Variants in CSRNP3 observed in about 807,000 individuals in gnomAD.
The protein encoded by CSRNP3 is cysteine and serine rich nuclear protein 3, also known as cysteine/serine-rich nuclear protein 3.
Under a neutral mutation model 48.0 loss-of-function variants are expected in CSRNP3, and 12 were observed. The ratio of observed to expected loss-of-function variants is 0.25; its 90% CI spans 0.16 to 0.41. The LOEUF (loss-of-function observed/expected upper bound fraction) is 0.41, where lower values mean the gene tolerates loss of function less well. CSRNP3 is among the 10% of genes least tolerant of loss of function. The pLI is 1.00. For synonymous variants in CSRNP3, 263 were observed against 269.7 expected, an observed-to-expected ratio of 0.98 and a Z score of 0.24; for missense variants, 580 against 724.4, an observed-to-expected ratio of 0.80 and a Z score of 2.29.
At chr2:165,661,452 T>C (rs62176901) in intron 5 of CSRNP3, among the ~76,000 whole-genome samples, 68,124 of 151,944 alleles carry the variant, frequency 0.45, 15,309 homozygotes, top group East Asian at 0.55. Flanking sequence ...TTCATCCTCA[T>C]GATTGCATGG....
At chr2:165,534,711 C>T (rs2105246840) in intron 3 of CSRNP3, among the ~76,000 whole-genome samples, 1 of 151,602 alleles carries the variant, frequency 6.6e-6, no homozygotes, top group Middle Eastern at 3.5e-3. Context: ...CATGGAAAAA[C>T]ATCAAGTAAA....
At chr2:165,500,023 G>A (rs1166641745) in intron 2 of CSRNP3, among the ~76,000 whole-genome samples, 1 of 147,296 alleles carries the variant, frequency 6.8e-6, no homozygotes, top group African/African-American at 2.5e-5. Context: ...ATGTACAACT[G>A]CAACAGACTT....
intron 4 of CSRNP3, among the ~76,000 whole-genome samples, chr2:165,656,695 T>C (rs1446527165): frequency 6.6e-6 from 1 of 152,206 alleles, no homozygotes; most frequent in Non-Finnish European, 1.5e-5. Flanking sequence ...TAGATTTAGA[T>C]TGATAAAATA....
At position 165,685,735 on chromosome 2, in the gene CSRNP3, T is replaced by C. The variant is rs184868978; in HGVS notation, c.*5982T>C. The C allele has an allele frequency of 2.0e-3, 302 of 152,174 alleles. 1 individual carries two copies. Among genetic ancestry groups the C allele is most frequent in the African/African-American group, 7.0e-3 (291 of 41,552 alleles). 9.4% of individuals were successfully genotyped at this position (152,174 alleles called of 1,614,324 possible). ...GCTTATAATTCAAGAAATGTCAACT[T>C]CACTGTGTCACTTTATGTCATCTCT... On this transcript the variant is annotated 3_prime_UTR_variant, in exon 7 of 7. Coordinates refer to ENST00000651982, the MANE Select transcript of CSRNP3 (RefSeq NM_001172173.2).
At chr2:165,661,819 A>G (rs1687102199) in intron 5 of CSRNP3, among the ~76,000 whole-genome samples, 1 of 152,164 alleles carries the variant, frequency 6.6e-6, no homozygotes, top group Non-Finnish European at 1.5e-5. Flanking sequence ...AGCATCTGAC[A>G]AGAGAGACAG....
In CSRNP3 at chr2:165,507,696, T is replaced by C. The variant is rs553582480; in HGVS notation, c.-112-10177T>C. Among the ~76,000 whole-genome samples the C allele has an allele frequency of 1.9e-4, 29 of 152,292 alleles. No individual in the cohort carries two copies. In the South Asian group the frequency reaches 5.8e-3, roughly 30 times the overall value. On this transcript the variant is annotated intron_variant, in intron 2 of 6. Transcript: ENST00000651982. ...TGGGGTCAGACTAATTACATGATTA[T>C]ATACCCTTCTGTCTGCCACAACATG...
At chr2:165,479,763 A>G (rs541495322) in intron 1 of CSRNP3, among the ~76,000 whole-genome samples, 2 of 152,022 alleles carry the variant, frequency 1.3e-5, no homozygotes, top group South Asian at 4.2e-4. Context: ...GTACATGCCT[A>G]TAGTCCTAGC....
At chr2:165,560,947 A>T (rs1276038560) in intron 3 of CSRNP3, among the ~76,000 whole-genome samples, 1 of 152,184 alleles carries the variant, frequency 6.6e-6, no homozygotes. Flanking sequence ...GAAGCAAAAA[A>T]ATGCTATTAC....
chr2:165,605,930 G>A (rs1358074222), intron 4 of CSRNP3, among the ~76,000 whole-genome samples: 2 of 151,962 alleles, frequency 1.3e-5, no homozygotes, highest in Non-Finnish European at 1.5e-5. Flanking sequence ...GAACAAATAG[G>A]GAGCATAGAA....
At chr2:165,671,131 A>C (rs957129436) in intron 5 of CSRNP3, among the ~76,000 whole-genome samples, 1 of 152,248 alleles carries the variant, frequency 6.6e-6, no homozygotes, top group African/African-American at 2.4e-5. Flanking sequence ...AAGAGGAGTC[A>C]GGAAATTGGG....
At chr2:165,524,131 A>G (rs1177355095) in intron 3 of CSRNP3, among the ~76,000 whole-genome samples, 1 of 152,198 alleles carries the variant, frequency 6.6e-6, no homozygotes, top group African/African-American at 2.4e-5. Flanking sequence ...AAATAATCAT[A>G]ACTCAATGAA....
intron 5 of CSRNP3, among the ~76,000 whole-genome samples, chr2:165,662,495 A>G (rs773926427): frequency 4.6e-5 from 7 of 152,206 alleles, no homozygotes; most frequent in Admixed American, 6.5e-5. Flanking sequence ...CCATTCAAAC[A>G]TGTCATACTC....
chr2:165,666,943 A>AGAGG (rs1491228495), intron 5 of CSRNP3, among the ~76,000 whole-genome samples: 1 of 142,430 alleles, frequency 7.0e-6, no homozygotes, highest in Non-Finnish European at 1.6e-5. Context: ...AAGAAGAAAG[A>AGAGG]AAGAGAGAGA....
At chr2:165,623,356 T>C (rs577743408) in intron 4 of CSRNP3, among the ~76,000 whole-genome samples, 2 of 152,158 alleles carry the variant, frequency 1.3e-5, no homozygotes, top group Non-Finnish European at 2.9e-5. Flanking sequence ...CAGATCCTAT[T>C]GTGAACCGCT....
chr2:165,485,289 A>G (rs1684097907), intron 1 of CSRNP3, among the ~76,000 whole-genome samples: 1 of 152,238 alleles, frequency 6.6e-6, no homozygotes. Context: ...GTGAGCAAAT[A>G]TATCACCTTG....
chr2:165,641,744 C>T (rs1686724366), intron 4 of CSRNP3, among the ~76,000 whole-genome samples: 1 of 151,992 alleles, frequency 6.6e-6, no homozygotes, highest in South Asian at 2.1e-4. Context: ...ATACTGAGAA[C>T]CAAGGTTTGG....
chr2:165,666,327 GAAGA>G (rs1438252954), intron 5 of CSRNP3, among the ~76,000 whole-genome samples: 1 of 107,414 alleles, frequency 9.3e-6, no homozygotes, highest in African/African-American at 3.6e-5. Context: ...AGGGAGAGAG[GAAGA>G]AAGAAAGAGA....
chr2:165,655,979 G>A (rs1390900997), intron 4 of CSRNP3, among the ~76,000 whole-genome samples: 1 of 152,150 alleles, frequency 6.6e-6, no homozygotes, highest in Non-Finnish European at 1.5e-5. Flanking sequence ...TCGGGATTAG[G>A]ACTTTAGCAT....
At chr2:165,520,552 A>G (rs1303611495) in intron 3 of CSRNP3, among the ~76,000 whole-genome samples, 4 of 151,850 alleles carry the variant, frequency 2.6e-5, no homozygotes, top group African/African-American at 4.8e-5. Flanking sequence ...TTCAAAATCT[A>G]TTAAGTATTG....
Sources: allele counts gnomAD v4.1 joint callset (sites outside exome capture counted in the v4.1 genomes callset), GRCh38; gene constraint gnomAD v4.1.1; transcripts MANE v1.5; gene names NCBI Gene and HGNC (gene_info 2026-07-23, HGNC 2026-07-21).